Variants in CDH12 observed in about 807,000 individuals in gnomAD.
CDH12 encodes the protein cadherin-12.
CDH12 carries 41 observed loss-of-function variants against 74.1 expected under a neutral mutation model. The ratio of observed to expected loss-of-function variants is 0.55; its 90% confidence interval spans 0.43 to 0.72. CDH12 has a LOEUF of 0.72. CDH12 is among the 30% of genes least tolerant of loss of function. The pLI is 0.00. For synonymous variants in CDH12, 399 were observed against 355.0 expected (o/e 1.12, Z -1.39); for missense variants, 945 against 977.2 (o/e 0.97, Z 0.44).
At chr5:22,046,566 T>A (rs1021227194) in intron 5 of CDH12, among the ~76,000 whole-genome samples, 2 of 151,784 alleles carry the variant, frequency 1.3e-5, no homozygotes, top group African/African-American at 4.8e-5. Flanking sequence ...GGTCATTTAA[T>A]TTCTTAATGC....
chr5:22,290,889 G>A (rs1737357909), intron 3 of CDH12, among the ~76,000 whole-genome samples: 1 of 152,124 alleles, frequency 6.6e-6, no homozygotes, highest in Admixed American at 6.5e-5. Context: ...GAAAAGCCCA[G>A]GAGTTGATGT....
chr5:21,793,864 T>A (rs925504586), intron 10 of CDH12, among the ~76,000 whole-genome samples: 2 of 151,354 alleles, frequency 1.3e-5, no homozygotes, highest in African/African-American at 4.8e-5. Flanking sequence ...ATTATTACAG[T>A]ATTTTTCAAG....
chr5:22,376,626 C>T (rs1741535335), intron 3 of CDH12, among the ~76,000 whole-genome samples: 1 of 151,836 alleles, frequency 6.6e-6, no homozygotes, highest in Non-Finnish European at 1.5e-5. Context: ...AAACCGTCCT[C>T]CCACCTCAGC....
intron 1 of CDH12, among the ~76,000 whole-genome samples, chr5:22,727,499 A>G (rs1194858504): frequency 6.6e-6 from 1 of 151,674 alleles, no homozygotes; most frequent in Non-Finnish European, 1.5e-5. Flanking sequence ...TTCACTATTT[A>G]TATATGACAT....
At chr5:22,643,253 C>T (rs1334694537) in intron 1 of CDH12, among the ~76,000 whole-genome samples, 1 of 152,084 alleles carries the variant, frequency 6.6e-6, no homozygotes. Flanking sequence ...CAATTGTTTG[C>T]TCTGGGTAGT....
chr5:22,491,771 T>A (rs755517762), intron 2 of CDH12, among the ~76,000 whole-genome samples: 1 of 152,180 alleles, frequency 6.6e-6, no homozygotes, highest in Non-Finnish European at 1.5e-5. Context: ...TAGACAATTA[T>A]TGTCTCACAA....
Position 21,752,039 on chromosome 5 carries a change from G to A in CDH12, c.2083C>T (p.Pro695Ser). The A allele has an allele frequency of 1.2e-6, 2 of 1,614,068 alleles. No individual in the cohort carries two copies. Among genetic ancestry groups the A allele is most frequent in the Non-Finnish European group, 1.7e-6 (2 of 1,179,992 alleles). ...EENKIRRDIK[P>S]DSLCLPRQRP... ...TGACGAGGTAAACAGAGAGAGTCTG[G>A]TTTTATATCCCTGCGAATTTTGTTC... Residue 695 changes from proline (P) to serine (S), a missense_variant, in exon 15 of 15, where the codon CCA becomes TCA. Pro to Ser is a moderately conservative substitution (Grantham distance 74). This residue lies in a region of CDH12 where 791 missense variants were observed against 792.8 expected (regional missense o/e 1.00). Transcript: ENST00000382254.
At chr5:21,965,259 C>A (rs946772061) in intron 6 of CDH12, among the ~76,000 whole-genome samples, 10 of 151,904 alleles carry the variant, frequency 6.6e-5, no homozygotes, top group Non-Finnish European at 1.2e-4. Flanking sequence ...TGAATCATTT[C>A]ACTGTCAAAC....
At chr5:21,873,245 A>G (rs1751742234) in intron 6 of CDH12, among the ~76,000 whole-genome samples, 1 of 152,192 alleles carries the variant, frequency 6.6e-6, no homozygotes, top group African/African-American at 2.4e-5. Context: ...TTAGATGTTG[A>G]ATTTCATGGA....
chr5:22,703,083 C>A (rs1040370624), intron 1 of CDH12, among the ~76,000 whole-genome samples: 1 of 152,100 alleles, frequency 6.6e-6, no homozygotes, highest in African/African-American at 2.4e-5. Context: ...AGGATAACCT[C>A]CCACATCTTT....
At chr5:21,934,808 A>G (rs908903468) in intron 6 of CDH12, among the ~76,000 whole-genome samples, 2 of 150,558 alleles carry the variant, frequency 1.3e-5, no homozygotes, top group Admixed American at 6.6e-5. Flanking sequence ...TTTTTTTGAC[A>G]CGGAGTATCC....
intron 6 of CDH12, among the ~76,000 whole-genome samples, chr5:21,898,190 C>G (rs976443434): frequency 1.3e-5 from 2 of 151,892 alleles, no homozygotes; most frequent in Non-Finnish European, 2.9e-5. Flanking sequence ...TTTTAGTATA[C>G]ATTAAATTTT....
At chr5:22,841,365 C>T (rs555489978) in intron 1 of CDH12, among the ~76,000 whole-genome samples, 22 of 152,116 alleles carry the variant, frequency 1.4e-4, no homozygotes, top group South Asian at 1.0e-3. Context: ...TGATGTTGAC[C>T]GACATCGTGA....
rs79201410 is a variant in CDH12 at position 22,532,345 on chromosome 5, A to T, written c.-522-26981T>A. ...GCAGTTCTAACAGATAAATTATATA[A>T]ATAGGATATATATATATATATATAT... On this transcript the variant is annotated intron_variant, in intron 1 of 14. Transcript: ENST00000382254. Among the ~76,000 whole-genome samples the T allele has an allele frequency of 8.5e-5, 8 of 94,214 alleles. 1 individual carries two copies. 61.8% of individuals were successfully genotyped at this position (94,214 alleles called of 152,430 possible).
At chr5:21,962,492 A>G (rs552660788) in intron 6 of CDH12, among the ~76,000 whole-genome samples, 3 of 152,274 alleles carry the variant, frequency 2.0e-5, no homozygotes, top group African/African-American at 7.2e-5. Flanking sequence ...TTCATAATAT[A>G]TATCTGTTCA....
chr5:22,117,203 T>C (rs1157133744), intron 4 of CDH12, among the ~76,000 whole-genome samples: 2 of 150,846 alleles, frequency 1.3e-5, no homozygotes, highest in Middle Eastern at 3.2e-3. Context: ...CTCTATGAAA[T>C]ATTGATTTCA....
At chr5:22,008,366 A>T (rs1457113505) in intron 5 of CDH12, among the ~76,000 whole-genome samples, 1 of 151,848 alleles carries the variant, frequency 6.6e-6, no homozygotes, top group East Asian at 1.9e-4. Context: ...AGTAGCTGGG[A>T]TTACAGGCGT....
chr5:22,384,727 T>C (rs943692357), intron 3 of CDH12, among the ~76,000 whole-genome samples: 1 of 152,064 alleles, frequency 6.6e-6, no homozygotes, highest in African/African-American at 2.4e-5. Context: ...TGTATGTATG[T>C]TAAAATGAGT....
Position 22,705,128 on chromosome 5 carries a change from T to TACACACACACAC in CDH12, c.-523+147929_-523+147930insGTGTGTGTGTGT, listed in dbSNP as rs1467369851. ...TTCCCCACCCAGTCATATATATATA[T>TACACACACACAC]ATACACACACACACACACACACACA... On this transcript the variant is annotated intron_variant, in intron 1 of 14. Transcript: ENST00000382254. 9.3e-5 allele frequency among the ~76,000 whole-genome samples: 8 copies of TACACACACACAC among 86,462 alleles called. No homozygotes were observed. The East Asian group carries it at 2.0e-3, about 22-fold the overall frequency. 56.7% of individuals were successfully genotyped at this position (86,462 alleles called of 152,430 possible).
Sources: allele counts gnomAD v4.1 joint callset (sites outside exome capture counted in the v4.1 genomes callset), GRCh38; gene constraint gnomAD v4.1.1; regional missense constraint gnomAD v4.1.1; transcripts MANE v1.5; gene names NCBI Gene and HGNC (gene_info 2026-07-23, HGNC 2026-07-21).